The following POC1B variants were observed in gnomAD, a reference collection of about 807,000 sequenced individuals.
The protein encoded by POC1B is POC1 centriolar protein homolog B.
Under a neutral mutation model 60.6 loss-of-function variants are expected in POC1B, and 44 were observed. The observed-to-expected ratio is 0.73, with a 90% confidence interval of 0.57 to 0.93. The LOEUF (loss-of-function observed/expected upper bound fraction) is 0.93, where lower values mean the gene tolerates loss of function less well. Ranked by LOEUF, POC1B falls within the 40% of genes least tolerant of loss-of-function variation. POC1B has a pLI of 0.00. For missense variants in POC1B, 555 were observed against 572.3 expected (o/e 0.97, Z 0.31); for synonymous variants, 180 against 198.9 (o/e 0.90, Z 0.80).
intron 10 of POC1B, among the ~76,000 whole-genome samples, chr12:89,437,447 G>C (rs1315317051): frequency 1.3e-5 from 2 of 152,020 alleles, no homozygotes; most frequent in African/African-American, 4.8e-5. Context: ...TCCCCTCTCA[G>C]GGCTTCTTGA....
intron 9 of POC1B, among the ~76,000 whole-genome samples, chr12:89,465,009 A>G (rs945080979): frequency 3.9e-5 from 6 of 152,152 alleles, no homozygotes; most frequent in African/African-American, 1.4e-4. Context: ...CAAAAAAAAA[A>G]TTCAGTCACA....
In POC1B at chr12:89,421,094, G is replaced by T; in HGVS notation, c.*59C>A. On this transcript the variant is annotated 3_prime_UTR_variant, in exon 12 of 12. Coordinates refer to ENST00000313546, the MANE Select transcript of POC1B (RefSeq NM_172240.3). ...AGTATCTTGTACTACCTTCCTGAGT[G>T]TATGTACATTTGTTCATTTATTGGG... 1 of 1,300,136 alleles carries T rather than the reference G, an allele frequency of 7.7e-7. No homozygotes were observed. Among genetic ancestry groups the T allele is most frequent in the Non-Finnish European group, 1.1e-6 (1 of 925,840 alleles). 80.5% of individuals were successfully genotyped at this position (1,300,136 alleles called of 1,614,324 possible).
rs952970908 is a variant in POC1B, at chr12:89,497,902, C to G, written c.101-560G>C. ...GTAATTTGCTCTGTACTTGTTTCTCCTTGCGCATGAACACACGTAAACCCA... is the reference window on the plus strand; with the variant it reads ...GTAATTTGCTCTGTACTTGTTTCTCGTTGCGCATGAACACACGTAAACCCA... On this transcript the variant is annotated intron_variant, in intron 2 of 11. Transcript: ENST00000313546. 3.9e-5 allele frequency among the ~76,000 whole-genome samples: 6 copies of G among 152,276 alleles called. No individual in the cohort carries two copies. The East Asian group carries it at 1.2e-3, about 29-fold the overall frequency.
chr12:89,459,302 C>T (rs61925105), intron 10 of POC1B, among the ~76,000 whole-genome samples: 3,669 of 150,596 alleles, frequency 0.024, 62 homozygotes, highest in Middle Eastern at 0.078. Flanking sequence ...GGAGATATAC[C>T]TAATGTTAAA....
At chr12:89,524,686 CA>C (rs1251971761) in intron 2 of POC1B, 8 of 936,606 alleles carry the variant, frequency 8.5e-6, no homozygotes, top group Non-Finnish European at 8.0e-6. Context: ...CCTTTCCAGC[CA>C]CCCAGGCTTT....
At chr12:89,476,929 G>T (rs1405539668) in intron 4 of POC1B, among the ~76,000 whole-genome samples, 2 of 152,152 alleles carry the variant, frequency 1.3e-5, no homozygotes. Flanking sequence ...ATTAGTAAGA[G>T]GAACTCTGAA....
At chr12:89,459,456 C>G (rs1008357878) in intron 10 of POC1B, among the ~76,000 whole-genome samples, 182 bp downstream of exon 10, 8 of 151,250 alleles carry the variant, frequency 5.3e-5, no homozygotes, top group South Asian at 2.1e-4. Context: ...GCTGCTCCCC[C>G]CTTGTGGTAA....
chr12:89,417,213 C>T (rs1323710550), downstream of POC1B, among the ~76,000 whole-genome samples: 5 of 152,048 alleles, frequency 3.3e-5, no homozygotes, highest in South Asian at 6.2e-4. Context: ...AATTGGGAGC[C>T]CATTACACTG....
chr12:89,518,474 A>G lies in POC1B; in HGVS notation c.100+6646T>C, dbSNP rs536925246. Among the ~76,000 whole-genome samples the G allele has an allele frequency of 3.3e-5, 5 of 152,348 alleles. No individual in the cohort carries two copies. The East Asian group carries it at 7.7e-4, about 23-fold the overall frequency. ...AGAGAAATCTTTTCTGAGACACCTG[A>G]AATTCTCCAGCCTGCTTTTTTTCCT... On this transcript the variant is annotated intron_variant, in intron 2 of 11. Transcript: ENST00000313546.
chr12:89,424,453 T>G (rs895785847), intron 11 of POC1B, among the ~76,000 whole-genome samples: 1 of 152,212 alleles, frequency 6.6e-6, no homozygotes, highest in African/African-American at 2.4e-5. Flanking sequence ...TCTCTGTAGT[T>G]CATATTTTAC....
At chr12:89,514,398 A>ATTTTTTTTTTTT (rs1592641848) in intron 2 of POC1B, among the ~76,000 whole-genome samples, 2 of 37,860 alleles carry the variant, frequency 5.3e-5, no homozygotes, top group Admixed American at 2.6e-4. Context: ...AGTTTCATGT[A>ATTTTTTTTTTTT]TTTCTTTTTT....
intron 10 of POC1B, chr12:89,427,726 A>C (rs1021631402): frequency 3.3e-5 from 5 of 152,174 alleles, no homozygotes; most frequent in Non-Finnish European, 7.3e-5. Context: ...AAAACAAAAC[A>C]AAACCACATC....
At chr12:89,511,373 G>T (rs1466679265) in intron 2 of POC1B, among the ~76,000 whole-genome samples, 1 of 150,152 alleles carries the variant, frequency 6.7e-6, no homozygotes, top group African/African-American at 2.5e-5. Context: ...CTGAGATGGT[G>T]CCACTGCACT....
intron 4 of POC1B, among the ~76,000 whole-genome samples, chr12:89,489,272 T>G (rs1209878535): frequency 6.6e-6 from 1 of 152,212 alleles, no homozygotes; most frequent in East Asian, 1.9e-4. Flanking sequence ...GTTACTACTA[T>G]CATCTTCTTA....
chr12:89,496,473 T>C (rs953535412), intron 3 of POC1B, among the ~76,000 whole-genome samples: 3 of 152,198 alleles, frequency 2.0e-5, no homozygotes, highest in Admixed American at 6.5e-5. Flanking sequence ...CTGACAACTG[T>C]TGAAGCTGAT....
chr12:89,476,890 A>G (rs1212450462), intron 4 of POC1B, among the ~76,000 whole-genome samples: 1 of 152,214 alleles, frequency 6.6e-6, no homozygotes, highest in Non-Finnish European at 1.5e-5. Context: ...CAGGGCAGGC[A>G]CTATTTCATG....
chr12:89,461,289 G>C (rs953813574), intron 9 of POC1B: 1 of 152,128 alleles, frequency 6.6e-6, no homozygotes, highest in Non-Finnish European at 1.5e-5. Context: ...GGCATATGAC[G>C]GCTCTTTAAT....
At chr12:89,507,680 C>T (rs1415903919) in intron 2 of POC1B, among the ~76,000 whole-genome samples, 1 of 152,194 alleles carries the variant, frequency 6.6e-6, no homozygotes, top group East Asian at 1.9e-4. Flanking sequence ...CCCATGCTTA[C>T]CTAGGTCAGT....
In POC1B at chr12:89,499,556, TTTGAGCAGGGGC is replaced by T. The variant is rs1300140991; in HGVS notation, c.101-2226_101-2215del. Among the ~76,000 whole-genome samples the T allele has an allele frequency of 4.0e-4, 61 of 152,220 alleles. No homozygotes were observed. In the South Asian group the frequency reaches 9.8e-3, roughly 25 times the overall value. Reference sequence around the variant, plus strand: ...CCTGCGATGGGAAACTACTCTAGATTTTGAGCAGGGGCAATCTCATGATCTGGTTTAAGAACA... The same window carrying T: ...CCTGCGATGGGAAACTACTCTAGATTAATCTCATGATCTGGTTTAAGAACA... On this transcript the variant is annotated intron_variant, in intron 2 of 11. Transcript: ENST00000313546.
Sources: allele counts gnomAD v4.1 joint callset (sites outside exome capture counted in the v4.1 genomes callset), GRCh38; gene constraint gnomAD v4.1.1; transcripts MANE v1.5; gene names NCBI Gene and HGNC (gene_info 2026-07-23, HGNC 2026-07-21).